The following COL17A1 variants were observed in gnomAD, a reference collection of about 807,000 sequenced individuals.
The protein encoded by COL17A1 is collagen alpha-1(XVII) chain.
In COL17A1, 181 loss-of-function variants were observed where a neutral mutation model predicts 218.4. That is an observed-to-expected ratio of 0.83 (90% CI 0.73 to 0.94). The LOEUF is 0.94. COL17A1 is among the 40% of genes least tolerant of loss of function. The pLI is 0.00. For missense variants in COL17A1, 1,924 were observed against 1,945.9 expected (o/e 0.99, Z 0.21); for synonymous variants, 721 against 731.0 (o/e 0.99, Z 0.22).
intron 48 of COL17A1, 126 bp from the exon 49 acceptor site, chr10:104,035,689 G>A (rs2086273553): frequency 1.3e-6 from 1 of 769,568 alleles, no homozygotes; most frequent in South Asian, 1.8e-5. Context: ...ATGGTGGCAG[G>A]AAGAGAGGCA....
intron 4 of COL17A1, 60 bp downstream of exon 4, chr10:104,077,362 T>C: frequency 7.4e-7 from 1 of 1,358,522 alleles, no homozygotes; most frequent in Non-Finnish European, 1.0e-6. Flanking sequence ...TAGGACTTTC[T>C]TGGTGTCTCT....
chr10:104,056,320 A>T (rs1038958250), intron 17 of COL17A1, among the ~76,000 whole-genome samples: 11 of 152,098 alleles, frequency 7.2e-5, no homozygotes, highest in Admixed American at 2.0e-4. Context: ...CGGTGGCTCA[A>T]GCCTGTAATC....
In COL17A1 at chr10:104,072,224, A is replaced by C. The variant is rs2274104; in HGVS notation, c.416-145T>G. 8.5e-3 allele frequency: 10,767 copies of C among 1,265,732 alleles called. 433 individuals are homozygous for C. In the East Asian group the frequency reaches 0.12, roughly 14 times the overall value. 78.4% of individuals were successfully genotyped at this position (1,265,732 alleles called of 1,614,324 possible). ...AACAGGAAATCTAGGTGTGCCCAAG[A>C]AGAGTGCTGCTTAAAAAGGGAGACC... On this transcript the variant is annotated intron_variant, in intron 7 of 55. Transcript: ENST00000648076.
At position 104,048,599 on chromosome 10, in the gene COL17A1, G is replaced by A. The variant is rs80128752; in HGVS notation, c.2228-495C>T. The stretch of plus-strand genomic sequence containing the variant: ...GACCACTTGAAATGCCCCCTCCTCC[G>A]TCCTTCCTATTGGAAGAAATCTCTC... On this transcript the variant is annotated intron_variant, in intron 29 of 55. Transcript: ENST00000648076. Among the ~76,000 whole-genome samples the A allele has an allele frequency of 7.2e-3, 1,097 of 152,228 alleles. 14 individuals are homozygous for A. The highest frequency in any genetic ancestry group is 0.024 in the African/African-American group (1,014 of 41,536).
Position 104,041,530 on chromosome 10 carries a change from T to C in COL17A1, c.2560A>G (p.Asn854Asp). ...GGTGGGCCTGGGGGACCTTGTAAAT[T>C]AAGAACTTCTATAGAGAGAAGAAAA... is the stretch of plus-strand genomic sequence containing the variant. ...AGLPGHQEVL[N>D]LQGPPGPPGP... Residue 854 changes from asparagine to aspartate, a missense_variant, in exon 37 of 56, where the codon AAT (asparagine) becomes GAT (aspartate). Physicochemically the swap from Asn to Asp is conservative, Grantham distance 23 (BLOSUM62 1). Coordinates refer to ENST00000648076, the MANE Select transcript of COL17A1 (RefSeq NM_000494.4). 2 of 1,612,822 alleles carry C rather than the reference T, an allele frequency of 1.2e-6. No individual in the cohort carries two copies. Among genetic ancestry groups the C allele is most frequent in the Non-Finnish European group, 1.7e-6 (2 of 1,178,980 alleles).
chr10:104,060,932 T>C (rs1330317726), intron 13 of COL17A1, among the ~76,000 whole-genome samples: 1 of 152,214 alleles, frequency 6.6e-6, no homozygotes, highest in Non-Finnish European at 1.5e-5. Flanking sequence ...GGCTTTCCAA[T>C]AAATGAATTG....
chr10:104,062,394 GC>G (rs2086590839), intron 11 of COL17A1, 65 bp from the exon 12 acceptor site: 35 of 1,608,226 alleles, frequency 2.2e-5, no homozygotes, highest in Middle Eastern at 1.7e-4. Flanking sequence ...GCTTAGGACG[GC>G]CCCCAGAGTC....
Position 104,034,628 on chromosome 10 carries a change from G to T in COL17A1, c.3759C>A (p.Tyr1253Ter). Residue 1253 changes from tyrosine to a stop codon, truncating the protein, a stop_gained, in exon 51 of 56, where the codon TAC (tyrosine) becomes TAA (stop). Transcript: ENST00000648076. LOFTEE classifies it high-confidence loss of function. Reference sequence around the variant, plus strand: ...CACCGTCGGGGCACCTACTTGTGAGGTAGCTGATCAGCTCGCTCCGGAAGC... The same window carrying T: ...CACCGTCGGGGCACCTACTTGTGAGTTAGCTGATCAGCTCGCTCCGGAAGC... ...SDSFRSELIS[Y>*]LTSPDVRSFI... The T allele has an allele frequency of 6.2e-7, 1 of 1,610,170 alleles. No homozygotes were observed. Among genetic ancestry groups the T allele is most frequent in the Non-Finnish European group, 8.5e-7 (1 of 1,178,372 alleles).
At chr10:104,042,587 G>A (rs2086371107) in intron 35 of COL17A1, 132 bp from the exon 36 acceptor site, 4 of 867,034 alleles carry the variant, frequency 4.6e-6, no homozygotes, top group Middle Eastern at 2.1e-4. Flanking sequence ...AGAGCAATAA[G>A]CAATTCGAGA....
chr10:104,083,022 G>A (rs647481), intron 1 of COL17A1, among the ~76,000 whole-genome samples: 88,767 of 152,068 alleles, frequency 0.58, 27,649 homozygotes, highest in Admixed American at 0.69. Flanking sequence ...CCACCCCAAT[G>A]TCTGTGTGTT....
chr10:104,049,418 CT>C lies in COL17A1; in HGVS notation c.2217del (p.Gly740GlufsTer59), dbSNP rs2086445643. On this transcript the variant is annotated frameshift_variant, in exon 29 of 56. Transcript: ENST00000648076. LOFTEE classifies it high-confidence loss of function. ...LPGAVGEPGA[K>X]GAMGPAGPDG... ...CCTTTGGAACACTTACCCATTGCTC[CT>C]TTAGCCCCGGGCTCACCAACAGCAC... 1.9e-6 allele frequency: 3 copies of C among 1,614,228 alleles called. No homozygotes were observed. Among genetic ancestry groups the C allele is most frequent in the Non-Finnish European group, 2.5e-6 (3 of 1,180,034 alleles).
chr10:104,057,154 C>A lies in COL17A1; in HGVS notation c.1286G>T (p.Ser429Ile). ...TTTADIHSYG[S>I]SGGGGSGGGG... ...TCCTCCACTGCCACCACCACCACTG[C>A]TGCCGTAGCTGTGGATATCTGTGAA... Residue 429 changes from serine (S) to isoleucine (I), a missense_variant, in exon 17 of 56, where the codon AGC (serine) becomes ATC (isoleucine). Ser to Ile is a moderately radical substitution (Grantham distance 142). Transcript: ENST00000648076. The A allele has an allele frequency of 6.2e-7, 1 of 1,614,028 alleles. No homozygotes were observed. Among genetic ancestry groups the A allele is most frequent in the Non-Finnish European group, 8.5e-7 (1 of 1,179,952 alleles).
At chr10:104,074,701 G>T (rs1157311252) in intron 5 of COL17A1, among the ~76,000 whole-genome samples, 2 of 152,194 alleles carry the variant, frequency 1.3e-5, no homozygotes, top group Non-Finnish European at 2.9e-5. Flanking sequence ...CTGTGATGAT[G>T]CAATCCACCT....
chr10:104,071,717 C>T (rs1040418397), intron 8 of COL17A1, among the ~76,000 whole-genome samples: 4 of 152,060 alleles, frequency 2.6e-5, no homozygotes, highest in African/African-American at 9.7e-5. Flanking sequence ...GCCTGATCTC[C>T]ATGGGCTGCC....
In COL17A1 at chr10:104,076,322, C is replaced by T. The variant is rs766539630; in HGVS notation, c.310G>A (p.Val104Ile). ...ATACCTTCATACGCATGGCGGGTAA[C>T]GTGAGTTTTCCTTTCAAAGGTTGAG... ...PGSTFERKTH[V>I]TRHAYEGSSS... Residue 104 changes from valine (V) to isoleucine (I), a missense_variant, in exon 5 of 56, where the codon GTT (valine) becomes ATT (isoleucine). By Grantham distance (29) the Val-to-Ile change is conservative. Coordinates refer to ENST00000648076, the MANE Select transcript of COL17A1 (RefSeq NM_000494.4). The T allele has an allele frequency of 1.2e-5, 20 of 1,613,954 alleles. No homozygotes were observed. The highest frequency in any genetic ancestry group is 7.7e-5 in the South Asian group (7 of 91,080).
intron 26 of COL17A1, 82 bp from the exon 27 acceptor site, chr10:104,050,738 G>C: frequency 2.5e-6 from 4 of 1,613,740 alleles, no homozygotes; most frequent in East Asian, 2.2e-5. Flanking sequence ...CTGAAGACAG[G>C]CTCCCTCAAT....
At position 104,057,090 on chromosome 10, in the gene COL17A1, T is replaced by C. The variant is rs560859829; in HGVS notation, c.1350A>G (p.Gly450=). ...GVGGAGGGPW[G]PAPAWCPCGS... ...CGCAGGGGCACCAGGCTGGCGCTGG[T>C]CCCCAAGGGCCGCCGCCAGCGCCAC... Residue 450 remains glycine, a synonymous_variant, in exon 17 of 56, where the codon GGA becomes GGG. Transcript: ENST00000648076. 25 of 1,612,014 alleles carry C rather than the reference T, an allele frequency of 1.6e-5. No homozygotes were observed. In the Admixed American group the frequency reaches 4.2e-4, roughly 27 times the overall value.
chr10:104,063,558 C>T (rs914273263), intron 11 of COL17A1, 189 bp downstream of exon 11: 2 of 879,940 alleles, frequency 2.3e-6, no homozygotes, highest in Non-Finnish European at 3.6e-6. Flanking sequence ...GCTCACGTCC[C>T]CTCGCCTGAG....
rs1292280062 is a variant in COL17A1 at position 104,033,273 on chromosome 10, C to T, written c.4259G>A (p.Ser1420Asn). The part of the protein sequence containing the change: ...PGISKVFSAY[S>N]NVTADLMDFF... ...GTCCATGAGGTCCGCAGTCACGTTG[C>T]TGTAGGCAGAGAAGACCTTGCTGAT... Residue 1420 changes from serine (S) to asparagine (N), a missense_variant, in exon 53 of 56, where the codon AGC becomes AAC. By Grantham distance (46) the Ser-to-Asn change is conservative. Coordinates refer to ENST00000648076, the MANE Select transcript of COL17A1 (RefSeq NM_000494.4). 1 of 1,594,740 alleles carries T rather than the reference C, an allele frequency of 6.3e-7. No individual in the cohort carries two copies. The highest frequency in any genetic ancestry group is 1.8e-5 in the Admixed American group (1 of 56,446).
Sources: gnomAD v4.1 joint callset for allele counts (sites outside exome capture counted in the v4.1 genomes callset) on GRCh38, gnomAD v4.1.1 for gene constraint, MANE v1.5 for transcripts, NCBI Gene and HGNC (gene_info 2026-07-23, HGNC 2026-07-21) for gene names.